The following GALNTL6 variants were observed in gnomAD, a reference collection of about 807,000 sequenced individuals.
GALNTL6 encodes the protein polypeptide N-acetylgalactosaminyltransferase like 6, also known as polypeptide N-acetylgalactosaminyltransferase-like 6.
GALNTL6 carries 46 observed loss-of-function variants against 73.7 expected under a neutral mutation model. That is an observed-to-expected ratio of 0.62 (90% CI 0.49 to 0.80). The LOEUF (loss-of-function observed/expected upper bound fraction) is 0.80. Among genes scored for constraint, GALNTL6 ranks in the 30% least tolerant of loss-of-function variants. The pLI, the probability that GALNTL6 is intolerant of heterozygous loss-of-function variation, is 0.00. For synonymous variants in GALNTL6, 259 were observed against 263.7 expected, an observed-to-expected ratio of 0.98 and a Z score of 0.17; for missense variants, 604 against 755.0, an observed-to-expected ratio of 0.80 and a Z score of 2.34.
intron 5 of GALNTL6, among the ~76,000 whole-genome samples, chr4:172,396,102 A>G (rs1271070445): frequency 1.3e-5 from 2 of 152,100 alleles, no homozygotes; most frequent in African/African-American, 4.8e-5. Flanking sequence ...TGCCCTGATA[A>G]CCAAAAACTG....
intron 2 of GALNTL6, among the ~76,000 whole-genome samples, chr4:171,876,058 C>T (rs1433468385): frequency 1.3e-5 from 2 of 151,968 alleles, no homozygotes; most frequent in African/African-American, 2.4e-5. Flanking sequence ...GATTAGTAGA[C>T]ACAAATGTAA....
chr4:171,900,051 A>T (rs953877820), intron 2 of GALNTL6, among the ~76,000 whole-genome samples: 3 of 152,242 alleles, frequency 2.0e-5, no homozygotes, highest in East Asian at 1.9e-4. Flanking sequence ...ATTAAACTAA[A>T]TGAGGGTTAT....
At chr4:172,535,719 G>C (rs1735325615) in intron 5 of GALNTL6, among the ~76,000 whole-genome samples, 1 of 152,174 alleles carries the variant, frequency 6.6e-6, no homozygotes, top group Admixed American at 6.5e-5. Flanking sequence ...GACCATAATA[G>C]ATAGGTCTAG....
intron 9 of GALNTL6, among the ~76,000 whole-genome samples, chr4:172,943,607 C>T (rs183623204): frequency 6.6e-6 from 1 of 152,274 alleles, no homozygotes; most frequent in South Asian, 2.1e-4. Context: ...CCTCAGGTGG[C>T]ACATTTGAAG....
chr4:172,615,629 T>A (rs1054995485), intron 5 of GALNTL6, among the ~76,000 whole-genome samples: 5 of 152,240 alleles, frequency 3.3e-5, no homozygotes, highest in African/African-American at 1.2e-4. Context: ...AGTTTTATGA[T>A]GTATGGCAAG....
intron 12 of GALNTL6, among the ~76,000 whole-genome samples, chr4:173,031,092 T>A (rs555542031): frequency 6.6e-6 from 1 of 152,254 alleles, no homozygotes; most frequent in Non-Finnish European, 1.5e-5. Flanking sequence ...CCACTGTGGA[T>A]GCTGGCTTTG....
chr4:172,282,857 G>A (rs768331488), intron 3 of GALNTL6, among the ~76,000 whole-genome samples: 3 of 152,150 alleles, frequency 2.0e-5, no homozygotes, highest in Non-Finnish European at 2.9e-5. Context: ...AAAACAAACA[G>A]GAGAAAGGAA....
chr4:172,021,454 A>C (rs573013239), intron 2 of GALNTL6, among the ~76,000 whole-genome samples: 1 of 152,116 alleles, frequency 6.6e-6, no homozygotes, highest in Non-Finnish European at 1.5e-5. Context: ...GGACACAAAA[A>C]ATGGAAAGAT....
At chr4:172,249,404 G>A (rs577278855) in intron 3 of GALNTL6, among the ~76,000 whole-genome samples, 1 of 152,312 alleles carries the variant, frequency 6.6e-6, no homozygotes, top group Non-Finnish European at 1.5e-5. Flanking sequence ...GCCTGATGAT[G>A]TGATAGAAAA....
intron 5 of GALNTL6, among the ~76,000 whole-genome samples, chr4:172,409,465 C>T (rs1744357669): frequency 6.6e-6 from 1 of 151,892 alleles, no homozygotes; most frequent in Non-Finnish European, 1.5e-5. Context: ...AGATTATTAG[C>T]CTCTGTACTG....
At chr4:172,513,122 C>A in intron 5 of GALNTL6, among the ~76,000 whole-genome samples, 1 of 152,072 alleles carries the variant, frequency 6.6e-6, no homozygotes, top group East Asian at 1.9e-4. Context: ...AAATCCCAGC[C>A]TTCTTGGTAG....
At chr4:172,716,926 A>G (rs1735140542) in intron 5 of GALNTL6, among the ~76,000 whole-genome samples, 1 of 152,166 alleles carries the variant, frequency 6.6e-6, no homozygotes, top group Admixed American at 6.6e-5. Context: ...TATGCTATGT[A>G]TTTTCATATA....
In GALNTL6 at chr4:172,540,719, T is replaced by C. The variant is rs371554250; in HGVS notation, c.553+192030T>C. 7.2e-5 allele frequency among the ~76,000 whole-genome samples: 11 copies of C among 152,346 alleles called. No individual in the cohort carries two copies. In the South Asian group the frequency reaches 2.1e-3, roughly 29 times the overall value. On this transcript the variant is annotated intron_variant, in intron 5 of 12. Coordinates refer to ENST00000506823, the MANE Select transcript of GALNTL6 (RefSeq NM_001034845.3). ...ACACTTACAAGTCATAGGTGGGTTTTAAGGATTCTTTATTTGAAAATTGGT... is the reference window on the plus strand; with the variant it reads ...ACACTTACAAGTCATAGGTGGGTTTCAAGGATTCTTTATTTGAAAATTGGT...
At chr4:172,939,036 G>T (rs959882076) in intron 9 of GALNTL6, among the ~76,000 whole-genome samples, 2 of 152,216 alleles carry the variant, frequency 1.3e-5, no homozygotes, top group Non-Finnish European at 2.9e-5. Flanking sequence ...AGGCATAGTG[G>T]CTCATGCCTG....
chr4:172,266,746 T>G (rs1224105004), intron 3 of GALNTL6, among the ~76,000 whole-genome samples: 1 of 152,138 alleles, frequency 6.6e-6, no homozygotes, highest in Non-Finnish European at 1.5e-5. Flanking sequence ...TTATGGCATT[T>G]TGAGACTTTT....
rs550484393 is a variant in GALNTL6, at chr4:173,014,045, C to T, written c.1488+4751C>T. Among the ~76,000 whole-genome samples the T allele has an allele frequency of 2.2e-4, 28 of 128,226 alleles. No homozygotes were observed. The South Asian group carries it at 5.9e-3, about 27-fold the overall frequency. The allele number at this position is 128,226 out of a possible 152,430, so 84.1% of individuals were successfully genotyped here. A position where few individuals can be genotyped will look rare whatever the true frequency, so the allele number is the denominator to read the frequency against. Reference sequence around the variant, plus strand: ...TAGAGTTGAAATAATCCGTTTTTTTCCAAAAAAAAAAGTGGCAAAAATTAA... The same window carrying T: ...TAGAGTTGAAATAATCCGTTTTTTTTCAAAAAAAAAAGTGGCAAAAATTAA... On this transcript the variant is annotated intron_variant, in intron 11 of 12. Coordinates refer to ENST00000506823, the MANE Select transcript of GALNTL6 (RefSeq NM_001034845.3).
intron 5 of GALNTL6, among the ~76,000 whole-genome samples, chr4:172,481,648 T>C (rs1452391759): frequency 1.3e-5 from 2 of 152,110 alleles, no homozygotes; most frequent in Admixed American, 1.3e-4. Flanking sequence ...TACAATCGTC[T>C]AGCTAGACAT....
chr4:172,482,195 C>T (rs1014330201), intron 5 of GALNTL6, among the ~76,000 whole-genome samples: 26 of 152,348 alleles, frequency 1.7e-4, no homozygotes, highest in East Asian at 3.9e-4. Context: ...CACACCCACC[C>T]GGAACTCGCG....
chr4:172,187,446 C>T (rs983251940), intron 2 of GALNTL6, among the ~76,000 whole-genome samples: 8 of 152,052 alleles, frequency 5.3e-5, no homozygotes, highest in Admixed American at 3.9e-4. Context: ...ACTACCCTCT[C>T]GAGACAATCA....
Sources: gnomAD v4.1 joint callset for allele counts (sites outside exome capture counted in the v4.1 genomes callset) on GRCh38, gnomAD v4.1.1 for gene constraint, MANE v1.5 for transcripts, NCBI Gene and HGNC (gene_info 2026-07-23, HGNC 2026-07-21) for gene names.